ZXDC: variants seen among roughly 807,000 people sequenced by gnomAD.
ZXDC encodes the protein zinc finger protein ZXDC.
A neutral mutation model predicts 63.6 loss-of-function variants in ZXDC; 58 were observed. That is an observed-to-expected ratio of 0.91 (90% CI 0.74 to 1.13). The LOEUF is 1.13. Among genes scored for constraint, ZXDC ranks in the 50% most tolerant of loss-of-function variants. The pLI is 0.00. For synonymous variants in ZXDC, 561 were observed against 496.1 expected (o/e 1.13, Z -1.74); for missense variants, 1,133 against 1,148.9 (o/e 0.99, Z 0.20).
intron 6 of ZXDC, 147 bp from the exon 7 acceptor site, chr3:126,459,884 C>A: frequency 6.5e-7 from 1 of 1,532,620 alleles, no homozygotes; most frequent in Non-Finnish European, 8.7e-7. Flanking sequence ...AAGGGCCAAA[C>A]GCTACATCCA....
At chr3:126,468,023 T>A (rs977822533) in intron 4 of ZXDC, among the ~76,000 whole-genome samples, 1 of 152,184 alleles carries the variant, frequency 6.6e-6, no homozygotes, top group Non-Finnish European at 1.5e-5. Flanking sequence ...TCTCCAAGTG[T>A]ACTAACTGCT....
chr3:126,449,321 G>A (rs559637784), intron 7 of ZXDC, among the ~76,000 whole-genome samples: 4 of 152,220 alleles, frequency 2.6e-5, no homozygotes, highest in East Asian at 3.9e-4. Flanking sequence ...TCGGCCTCTC[G>A]AGTACCTGGA....
chr3:126,448,481 T>C lies in ZXDC; in HGVS notation c.2213-6535A>G, dbSNP rs956096301. On this transcript the variant is annotated intron_variant, in intron 7 of 9. Transcript: ENST00000389709. The stretch of plus-strand genomic sequence containing the variant: ...GCCACTGACAGGACCCCAAAGTGTC[T>C]GTGACACAGACACCACCCTTGAGGA... Among the ~76,000 whole-genome samples the C allele has an allele frequency of 5.9e-4, 89 of 152,124 alleles. 8 individuals are homozygous for C.
chr3:126,474,648 C>T (rs963096436), intron 1 of ZXDC, among the ~76,000 whole-genome samples: 1 of 152,004 alleles, frequency 6.6e-6, no homozygotes, highest in African/African-American at 2.4e-5. Flanking sequence ...AAAGACCTGA[C>T]ACATAGCTCC....
chr3:126,452,034 T>TC lies in ZXDC; in HGVS notation c.2212+7618_2212+7619insG, dbSNP rs1415101139. 5.0e-5 allele frequency: 48 copies of TC among 956,194 alleles called. No homozygotes were observed. In the South Asian group the frequency reaches 2.0e-3, roughly 40 times the overall value. 59.2% of individuals were successfully genotyped at this position (956,194 alleles called of 1,614,324 possible). On this transcript the variant is annotated intron_variant, in intron 7 of 9. Coordinates refer to ENST00000389709, the MANE Select transcript of ZXDC (RefSeq NM_025112.5). ...CTTTATTCTGTATGGAATTCTAATA[T>TC]TTTTTTTTCCCTAAAAGGCCAGCAT...
intron 7 of ZXDC, among the ~76,000 whole-genome samples, chr3:126,447,898 G>A (rs1434589942): frequency 6.6e-6 from 1 of 152,220 alleles, no homozygotes; most frequent in East Asian, 1.9e-4. Flanking sequence ...TTCACCTGCT[G>A]GAGGTGAGAC....
chr3:126,451,927 GAC>G (rs1370670350), intron 7 of ZXDC: 1 of 985,266 alleles, frequency 1.0e-6, no homozygotes, highest in Non-Finnish European at 1.2e-6. Context: ...GCATGTGAAG[GAC>G]ACACGACAAA....
At chr3:126,444,337 C>T (rs772749022) in intron 7 of ZXDC, among the ~76,000 whole-genome samples, 1 of 152,134 alleles carries the variant, frequency 6.6e-6, no homozygotes, top group Non-Finnish European at 1.5e-5. Flanking sequence ...TCGAGACCAT[C>T]CTGGCTAACA....
rs541927490 is a variant in ZXDC, at chr3:126,458,485, A to G, written c.2212+1168T>C. ...ACTCCTGACCTCAGGTGATCCACCC[A>G]CCTCGGCCTCCCAAAGTGCTGGGAT... is the stretch of plus-strand genomic sequence containing the variant. On this transcript the variant is annotated intron_variant, in intron 7 of 9. Transcript: ENST00000389709. The G allele has an allele frequency of 1.7e-3, 1,037 of 618,562 alleles. 2 individuals carry two copies. Among genetic ancestry groups the G allele is most frequent in the Non-Finnish European group, 2.0e-3 (968 of 495,178 alleles). The allele number at this position is 618,562 out of a possible 1,614,324, so 38.3% of individuals were successfully genotyped here.
chr3:126,454,540 G>A (rs1934235891), intron 7 of ZXDC: 53 of 985,364 alleles, frequency 5.4e-5, no homozygotes, highest in Non-Finnish European at 6.3e-5. Context: ...CATACAGGGT[G>A]CACCTCTCCT....
intron 8 of ZXDC, 133 bp downstream of exon 8, chr3:126,441,632 G>A (rs893960592): frequency 2.1e-6 from 3 of 1,426,190 alleles, no homozygotes; most frequent in African/African-American, 2.9e-5. Flanking sequence ...AGTCTACAGG[G>A]GAGGATGCAC....
intron 9 of ZXDC, among the ~76,000 whole-genome samples, chr3:126,438,771 G>A (rs1933558986): frequency 6.6e-6 from 1 of 152,062 alleles, no homozygotes; most frequent in Non-Finnish European, 1.5e-5. Flanking sequence ...CACTTCTCAC[G>A]CGGTGAGCAC....
chr3:126,440,448 A>C (rs1560087361), intron 8 of ZXDC: 1 of 985,456 alleles, frequency 1.0e-6, no homozygotes, highest in Non-Finnish European at 1.2e-6. Context: ...CTAGCTGGTA[A>C]GGGACAGAAA....
intron 7 of ZXDC, among the ~76,000 whole-genome samples, chr3:126,446,484 T>G (rs1255841030): frequency 2.0e-5 from 3 of 152,180 alleles, no homozygotes; most frequent in Admixed American, 6.5e-5. Flanking sequence ...CCCACACCAG[T>G]AGCACCGCAG....
chr3:126,459,316 G>A (rs549181334), intron 7 of ZXDC: 2 of 985,318 alleles, frequency 2.0e-6, no homozygotes, highest in Admixed American at 6.1e-5. Flanking sequence ...AGGCCCCAAG[G>A]CCATTCAGCA....
rs762737337 is a variant in ZXDC at position 126,475,591 on chromosome 3, C to T, written c.275G>A (p.Gly92Glu). The part of the protein sequence containing the change: ...PHGGAAAEAA[G>E]SQEAEPGSRV... ...GGAGCCAGGCTCGGCCTCCTGTGAT[C>T]CGGCAGCCTCGGCGGCAGCGCCGCC... The change falls in exon 1 of 10, where the codon GGA becomes GAA. Residue 92 changes from glycine (G) to glutamate (E), a missense_variant. By Grantham distance (98) the Gly-to-Glu change is moderately conservative. Transcript: ENST00000389709. The T allele has an allele frequency of 8.2e-6, 12 of 1,466,092 alleles. No homozygotes were observed. The African/African-American group carries it at 1.3e-4, about 16-fold the overall frequency. 90.8% of individuals were successfully genotyped at this position (1,466,092 alleles called of 1,614,324 possible).
intron 7 of ZXDC, chr3:126,454,110 A>G: frequency 1.1e-6 from 1 of 946,524 alleles, no homozygotes; most frequent in Non-Finnish European, 1.3e-6. Flanking sequence ...CTGATGCCCT[A>G]ATTTGTTCCA....
At chr3:126,466,705 T>C (rs1423326825) in intron 4 of ZXDC, among the ~76,000 whole-genome samples, 1 of 152,182 alleles carries the variant, frequency 6.6e-6, no homozygotes, top group East Asian at 1.9e-4. Flanking sequence ...GCTATTATCA[T>C]AAAAAATGTA....
intron 7 of ZXDC, chr3:126,453,514 T>G: frequency 1.0e-6 from 1 of 985,464 alleles, no homozygotes; most frequent in Non-Finnish European, 1.2e-6. Flanking sequence ...AATAGTTGGC[T>G]TACACATCAA....
Sources: allele counts gnomAD v4.1 joint callset (sites outside exome capture counted in the v4.1 genomes callset), GRCh38; gene constraint gnomAD v4.1.1; transcripts MANE v1.5; gene names NCBI Gene and HGNC (gene_info 2026-07-23, HGNC 2026-07-21).